The following BAZ1A variants were observed in gnomAD, a reference collection of about 807,000 sequenced individuals.
BAZ1A encodes bromodomain adjacent to zinc finger domain protein 1A.
BAZ1A carries 50 observed loss-of-function variants against 185.2 expected under a neutral mutation model. That is an observed-to-expected ratio of 0.27 (90% CI 0.22 to 0.34). BAZ1A has a LOEUF of 0.34. Among genes scored for constraint, BAZ1A ranks in the 10% least tolerant of loss-of-function variants. The pLI, the probability that BAZ1A is intolerant of heterozygous loss-of-function variation, is 1.00. For synonymous variants in BAZ1A, 571 were observed against 615.6 expected (o/e 0.93, Z 1.07); for missense variants, 1,356 against 1,839.9 (o/e 0.74, Z 4.81).
intron 2 of BAZ1A, among the ~76,000 whole-genome samples, chr14:34,869,114 G>A: frequency 6.6e-6 from 1 of 151,876 alleles, no homozygotes; most frequent in African/African-American, 2.4e-5. Context: ...GGCTGAGGCA[G>A]GAGAATGGCA....
intron 21 of BAZ1A, chr14:34,768,840 CATAAGT>C (rs1409629214): frequency 6.4e-6 from 2 of 314,626 alleles, no homozygotes; most frequent in South Asian, 5.4e-5. Flanking sequence ...AGGGTTTAAG[CATAAGT>C]ATGACTTTAA....
chr14:34,872,153 C>G (rs2042958905), intron 2 of BAZ1A, among the ~76,000 whole-genome samples: 1 of 152,076 alleles, frequency 6.6e-6, no homozygotes, highest in Admixed American at 6.6e-5. Context: ...ACCTTTGCTC[C>G]CAAACCAGTA....
At chr14:34,771,924 C>T (rs77826370) in intron 20 of BAZ1A, among the ~76,000 whole-genome samples, 1,547 of 152,036 alleles carry the variant, frequency 0.01, 24 homozygotes, top group African/African-American at 0.035. Flanking sequence ...CTAAGTATTT[C>T]GGGCAGCTTA....
chr14:34,851,903 G>A (rs1276051366), intron 3 of BAZ1A, among the ~76,000 whole-genome samples: 7 of 151,070 alleles, frequency 4.6e-5, no homozygotes, highest in South Asian at 4.2e-4. Flanking sequence ...TGAGGCGGGC[G>A]GATCACGAGG....
At chr14:34,863,773 G>T (rs2042810049) in intron 2 of BAZ1A, among the ~76,000 whole-genome samples, 1 of 152,148 alleles carries the variant, frequency 6.6e-6, no homozygotes, top group African/African-American at 2.4e-5. Context: ...ATTCCCTATG[G>T]AGAAAGGAGG....
chr14:34,768,753 T>G (rs1879017989), intron 21 of BAZ1A: 1 of 435,894 alleles, frequency 2.3e-6, no homozygotes, highest in African/African-American at 2.1e-5. Context: ...TCTATCTCCC[T>G]TTTGATCCTT....
rs776604953 is a variant in BAZ1A at position 34,753,515 on chromosome 14, C to A, written c.4664G>T (p.Arg1555Leu). ...TCCTTTAGAAGGACAAAGTCAGATT[C>A]GTGACTTTTTCGCAGCCGGTGGTGT... Reference protein sequence around the residue: ...VSTPPAAKKSRI With the variant: ...VSTPPAAKKSLI Residue 1555 changes from arginine (R) to leucine (L), a missense_variant, in exon 27 of 27, where the codon CGA becomes CTA. Transcript: ENST00000360310. 2 of 1,613,834 alleles carry A rather than the reference C, an allele frequency of 1.2e-6. No individual in the cohort carries two copies. The highest frequency in any genetic ancestry group is 1.7e-6 in the Non-Finnish European group (2 of 1,179,944).
chr14:34,829,416 A>T (rs11156862), intron 3 of BAZ1A, among the ~76,000 whole-genome samples: 87,389 of 151,396 alleles, frequency 0.58, 25,432 homozygotes, highest in South Asian at 0.68. Flanking sequence ...AAATAAAAAT[A>T]AAAAAAAAGA....
At chr14:34,830,377 G>A (rs2042223590) in intron 3 of BAZ1A, among the ~76,000 whole-genome samples, 1 of 151,650 alleles carries the variant, frequency 6.6e-6, no homozygotes. Flanking sequence ...TAATGAAAGG[G>A]GCCAGACACA....
chr14:34,790,951 T>C (rs1171352901), intron 12 of BAZ1A, among the ~76,000 whole-genome samples: 2 of 151,982 alleles, frequency 1.3e-5, no homozygotes, highest in Non-Finnish European at 2.9e-5. Context: ...GGAGAAACCC[T>C]GTCTCTACTA....
intron 25 of BAZ1A, among the ~76,000 whole-genome samples, chr14:34,757,451 G>A (rs1886304660): frequency 6.7e-6 from 1 of 149,920 alleles, no homozygotes; most frequent in African/African-American, 2.5e-5. Flanking sequence ...GATCACCTGA[G>A]GTCAGGAGTT....
At chr14:34,796,892 A>G (rs1291279096) in intron 9 of BAZ1A, among the ~76,000 whole-genome samples, 1 of 152,254 alleles carries the variant, frequency 6.6e-6, no homozygotes, top group Non-Finnish European at 1.5e-5. Flanking sequence ...AAATAAGGTT[A>G]ACATTCTAAT....
rs769225318 is a variant in BAZ1A at position 34,761,994 on chromosome 14, T to C, written c.4006A>G (p.Thr1336Ala). ...TKSLRIASRS[T>A]RHSHGPLQAD... ...TGCAGTGGGCCATGACTGTGGCGAGTAGAACGACTGGCAATTCTTAAAGAT... is the reference window on the plus strand; with the variant it reads ...TGCAGTGGGCCATGACTGTGGCGAGCAGAACGACTGGCAATTCTTAAAGAT... The change falls in exon 24 of 27, where the codon ACT becomes GCT. Residue 1336 changes from threonine to alanine, a missense_variant. Thr to Ala is a moderately conservative substitution (Grantham distance 58). Transcript: ENST00000360310. 5.6e-6 allele frequency: 9 copies of C among 1,614,158 alleles called. No homozygotes were observed. In the South Asian group the frequency reaches 9.9e-5, roughly 18 times the overall value.
chr14:34,834,654 CAA>C (rs1215433717), intron 3 of BAZ1A, among the ~76,000 whole-genome samples: 1 of 152,146 alleles, frequency 6.6e-6, no homozygotes, highest in Non-Finnish European at 1.5e-5. Context: ...TCAATCTAAT[CAA>C]GGCTAGCCCT....
intron 11 of BAZ1A, among the ~76,000 whole-genome samples, 180 bp downstream of exon 11, chr14:34,794,569 C>G (rs1881076353): frequency 6.6e-6 from 1 of 152,160 alleles, no homozygotes; most frequent in Non-Finnish European, 1.5e-5. Context: ...AAATGAAAGG[C>G]CACATGAAGA....
At chr14:34,797,818 C>G (rs893379207) in intron 9 of BAZ1A, among the ~76,000 whole-genome samples, 1 of 152,102 alleles carries the variant, frequency 6.6e-6, no homozygotes, top group Non-Finnish European at 1.5e-5. Flanking sequence ...CCATGGAGGG[C>G]GAGCCGAAGC....
chr14:34,774,967 C>T (rs1168067213), intron 18 of BAZ1A, among the ~76,000 whole-genome samples: 1 of 152,194 alleles, frequency 6.6e-6, no homozygotes, highest in Non-Finnish European at 1.5e-5. Context: ...GTAATCCCAG[C>T]ACTTTGGGAG....
intron 2 of BAZ1A, among the ~76,000 whole-genome samples, chr14:34,873,768 C>T (rs1468401924): frequency 8.9e-5 from 3 of 33,800 alleles, no homozygotes; most frequent in African/African-American, 2.0e-4. Flanking sequence ...ACGCTGAGTT[C>T]CCCGGAGACG....
intron 17 of BAZ1A, 154 bp downstream of exon 17, chr14:34,780,028 AACTC>A (rs1594830371): frequency 9.4e-6 from 8 of 850,572 alleles, no homozygotes; most frequent in Admixed American, 5.6e-5. Context: ...ACATTTTTAC[AACTC>A]ATCACAGCTA....
Sources: gnomAD v4.1 joint callset for allele counts (sites outside exome capture counted in the v4.1 genomes callset) on GRCh38, gnomAD v4.1.1 for gene constraint, MANE v1.5 for transcripts, NCBI Gene and HGNC (gene_info 2026-07-23, HGNC 2026-07-21) for gene names.